KATNIP: variants seen among roughly 807,000 people sequenced by gnomAD.
KATNIP encodes katanin interacting protein.
In KATNIP, 126 loss-of-function variants were observed where a neutral mutation model predicts 174.0. That is an observed-to-expected ratio of 0.72 (90% CI 0.63 to 0.84). KATNIP has a LOEUF of 0.84. KATNIP is among the 40% of genes least tolerant of loss of function. KATNIP has a pLI of 0.00. For missense variants in KATNIP, 1,958 were observed against 2,109.7 expected (o/e 0.93, Z 1.41); for synonymous variants, 810 against 835.7 (o/e 0.97, Z 0.53).
intron 2 of KATNIP, among the ~76,000 whole-genome samples, chr16:27,607,845 G>C (rs986658923): frequency 6.6e-6 from 1 of 152,074 alleles, no homozygotes; most frequent in African/African-American, 2.4e-5. Flanking sequence ...GGCCTCAAGT[G>C]GTCCACCCGC....
intron 6 of KATNIP, among the ~76,000 whole-genome samples, chr16:27,665,975 C>A (rs1255667683): frequency 6.6e-6 from 1 of 152,174 alleles, no homozygotes; most frequent in Non-Finnish European, 1.5e-5. Flanking sequence ...CTCTATCTTT[C>A]AGGAATTCCT....
chr16:27,678,978 C>G (rs562730973), intron 7 of KATNIP: 1 of 152,322 alleles, frequency 6.6e-6, no homozygotes, highest in Non-Finnish European at 1.5e-5. Flanking sequence ...AGCTTTGACT[C>G]GGGCTGGCCT....
At chr16:27,617,618 A>T (rs2076079050) in intron 2 of KATNIP, among the ~76,000 whole-genome samples, 1 of 152,200 alleles carries the variant, frequency 6.6e-6, no homozygotes, top group Non-Finnish European at 1.5e-5. Flanking sequence ...AGAAGAGGAG[A>T]CACAGAACCA....
intron 14 of KATNIP, among the ~76,000 whole-genome samples, chr16:27,724,932 CTT>C (rs1204229791): frequency 1.3e-5 from 2 of 152,130 alleles, no homozygotes; most frequent in Non-Finnish European, 2.9e-5. Context: ...AGGGGAGTCT[CTT>C]TTATTGGGCA....
At chr16:27,607,726 T>C (rs115545490) in intron 2 of KATNIP, among the ~76,000 whole-genome samples, 12,851 of 150,886 alleles carry the variant, frequency 0.085, 566 homozygotes, top group Middle Eastern at 0.12. Context: ...GCCTCCTGAA[T>C]AGATGGGATT....
At chr16:27,669,729 G>A (rs183368442) in intron 6 of KATNIP, among the ~76,000 whole-genome samples, 4 of 152,284 alleles carry the variant, frequency 2.6e-5, no homozygotes, top group Admixed American at 2.6e-4. Flanking sequence ...AAGGGTCTAG[G>A]TTCATCCAGT....
At chr16:27,721,479 G>A in intron 13 of KATNIP, 79 bp from the exon 14 acceptor site, 1 of 1,568,742 alleles carries the variant, frequency 6.4e-7, no homozygotes, top group Non-Finnish European at 8.7e-7. Context: ...GTTTTCGTGA[G>A]CCAAAGAGCC....
chr16:27,735,343 C>T (rs2080860352), intron 14 of KATNIP, among the ~76,000 whole-genome samples: 2 of 152,222 alleles, frequency 1.3e-5, no homozygotes, highest in Admixed American at 6.5e-5. Context: ...TGGAAGCCGG[C>T]CACCCTATTA....
intron 8 of KATNIP, among the ~76,000 whole-genome samples, chr16:27,693,230 G>A (rs1432424215): frequency 6.6e-6 from 1 of 152,124 alleles, no homozygotes; most frequent in Non-Finnish European, 1.5e-5. Flanking sequence ...TGCCCAGCAG[G>A]CCAAGTGACA....
intron 22 of KATNIP, 53 bp downstream of exon 22, chr16:27,771,705 T>G: frequency 1.3e-6 from 2 of 1,579,680 alleles, no homozygotes; most frequent in Non-Finnish European, 1.7e-6. Context: ...AGGCAGCGCC[T>G]GGGCCGCAAC....
At position 27,550,169 on chromosome 16, in the gene KATNIP, G is replaced by A. The variant is rs112949559; in HGVS notation, c.-2G>A. 1.3e-4 allele frequency: 215 copies of A among 1,612,356 alleles called. 1 individual carries two copies. The Middle Eastern group carries it at 1.5e-3, about 11-fold the overall frequency. ...GAGCTCCCGGAACCGCCGCCTCTAG[G>A]GATGGACGGTGAGTGTCTGTGGGCC... On this transcript the variant is annotated 5_prime_UTR_variant, in exon 1 of 28. Transcript: ENST00000261588.
At chr16:27,556,108 G>A (rs1450019955) in intron 1 of KATNIP, among the ~76,000 whole-genome samples, 1 of 151,350 alleles carries the variant, frequency 6.6e-6, no homozygotes, top group Non-Finnish European at 1.5e-5. Flanking sequence ...GCCTGGGCCA[G>A]TGAGTGAGAC....
At chr16:27,727,262 C>T (rs1470091594) in intron 14 of KATNIP, 2 of 212,810 alleles carry the variant, frequency 9.4e-6, no homozygotes, top group Admixed American at 4.4e-5. Flanking sequence ...GATCATGGCT[C>T]ACTGTAGCCT....
intron 9 of KATNIP, among the ~76,000 whole-genome samples, chr16:27,698,940 A>C (rs1019887501): frequency 6.6e-6 from 1 of 152,168 alleles, no homozygotes; most frequent in African/African-American, 2.4e-5. Flanking sequence ...ACTTGTTCAC[A>C]AAACCTCTCT....
chr16:27,602,936 G>T (rs909620611), intron 2 of KATNIP, among the ~76,000 whole-genome samples: 4 of 152,206 alleles, frequency 2.6e-5, no homozygotes, highest in African/African-American at 9.7e-5. Context: ...TGGGCTCAAA[G>T]TGATCCTCTC....
chr16:27,701,719 C>A, intron 11 of KATNIP, 24 bp downstream of exon 11: 1 of 1,519,554 alleles, frequency 6.6e-7, no homozygotes, highest in Non-Finnish European at 9.0e-7. Flanking sequence ...TGAGGCCAAA[C>A]CCGAAACCCC....
chr16:27,713,342 T>C (rs985573511), intron 13 of KATNIP, among the ~76,000 whole-genome samples: 6 of 152,116 alleles, frequency 3.9e-5, no homozygotes, highest in African/African-American at 1.4e-4. Context: ...CTTACATGTA[T>C]TGGGGATTGA....
At chr16:27,655,683 C>G (rs1398188958) in intron 6 of KATNIP, among the ~76,000 whole-genome samples, 4 of 152,090 alleles carry the variant, frequency 2.6e-5, no homozygotes, top group Non-Finnish European at 5.9e-5. Context: ...CGACGTTAAC[C>G]CTGTGAGTTA....
chr16:27,620,238 A>C (rs1249277098), intron 3 of KATNIP, among the ~76,000 whole-genome samples: 1 of 152,210 alleles, frequency 6.6e-6, no homozygotes, highest in Non-Finnish European at 1.5e-5. Context: ...GATGACAGGA[A>C]ATTAGAAGGT....
Sources: gnomAD v4.1 joint callset for allele counts (sites outside exome capture counted in the v4.1 genomes callset) on GRCh38, gnomAD v4.1.1 for gene constraint, MANE v1.5 for transcripts, NCBI Gene and HGNC (gene_info 2026-07-23, HGNC 2026-07-21) for gene names.